CDC14B: variants seen among roughly 807,000 people sequenced by gnomAD.
The protein encoded by CDC14B is cell division cycle 14B.
A neutral mutation model predicts 64.2 loss-of-function variants in CDC14B; 22 were observed. The observed-to-expected ratio is 0.34, with a 90% CI of 0.24 to 0.49. CDC14B has a LOEUF of 0.49. CDC14B is among the 20% of genes least tolerant of loss of function. The pLI, the probability that CDC14B is intolerant of heterozygous loss-of-function variation, is 0.99. For missense variants in CDC14B, 498 were observed against 629.9 expected, an observed-to-expected ratio of 0.79 and a Z score of 2.24; for synonymous variants, 191 against 215.8, an observed-to-expected ratio of 0.89 and a Z score of 1.01.
rs1459702198 is a variant in CDC14B, at chr9:96,607,275, AAAG to A, written c.160+11941_160+11943del. Among the ~76,000 whole-genome samples, 4 of 151,940 alleles carry A rather than the reference AAAG, an allele frequency of 2.6e-5. 1 individual carries two copies. Among genetic ancestry groups the A allele is most frequent in the Non-Finnish European group, 5.9e-5 (4 of 68,000 alleles). On this transcript the variant is annotated intron_variant, in intron 1 of 13. Transcript: ENST00000375241. ...TAAAAATCTGATCAATGCTACCTGAAAAGGCCCCCATGGATAAGGGATGCTTTG... is the reference window on the plus strand; with the variant it reads ...TAAAAATCTGATCAATGCTACCTGAAGCCCCCATGGATAAGGGATGCTTTG...
chr9:96,600,999 T>A (rs1846402565), intron 1 of CDC14B, among the ~76,000 whole-genome samples: 1 of 152,170 alleles, frequency 6.6e-6, no homozygotes, highest in Admixed American at 6.6e-5. Context: ...TAAAAAAAGA[T>A]ATCCATGTTT....
intron 5 of CDC14B, among the ~76,000 whole-genome samples, chr9:96,550,340 G>A (rs902768193): frequency 1.3e-5 from 2 of 152,154 alleles, no homozygotes; most frequent in Admixed American, 6.5e-5. Context: ...TTCATGCAGC[G>A]TATTACTGAA....
chr9:96,588,963 T>G (rs16911376), intron 1 of CDC14B, among the ~76,000 whole-genome samples: 20 of 152,186 alleles, frequency 1.3e-4, no homozygotes, highest in Admixed American at 2.0e-4. Context: ...ATAGTTATCA[T>G]AGACAAAATA....
intron 6 of CDC14B, 26 bp from the exon 7 acceptor site, chr9:96,539,166 G>C (rs370777466): frequency 6.7e-7 from 1 of 1,495,744 alleles, no homozygotes; most frequent in South Asian, 1.1e-5. Context: ...AAGCTTTTAA[G>C]AACAAGGATG....
intron 1 of CDC14B, among the ~76,000 whole-genome samples, chr9:96,596,581 G>A (rs1275933730): frequency 6.6e-6 from 1 of 151,982 alleles, no homozygotes; most frequent in Non-Finnish European, 1.5e-5. Flanking sequence ...AAAATGAAGG[G>A]CAGGCATAGT....
Position 96,571,465 on chromosome 9 carries a change from C to G in CDC14B, c.161-5982G>C, listed in dbSNP as rs112521977. On this transcript the variant is annotated intron_variant, in intron 1 of 13. Transcript: ENST00000375241. ...TTGGGATTACAGGGGTGAGCCACCTCGCCTGGGCTATAATGAATAATTTTA... is the reference window on the plus strand; with the variant it reads ...TTGGGATTACAGGGGTGAGCCACCTGGCCTGGGCTATAATGAATAATTTTA... Among the ~76,000 whole-genome samples, 1,054 of 152,180 alleles carry G rather than the reference C, an allele frequency of 6.9e-3. 16 individuals carry two copies. The highest frequency in any genetic ancestry group is 0.024 in the African/African-American group (981 of 41,530).
intron 5 of CDC14B, among the ~76,000 whole-genome samples, chr9:96,549,267 A>G (rs1486216543): frequency 6.6e-6 from 1 of 152,206 alleles, no homozygotes; most frequent in African/African-American, 2.4e-5. Context: ...TTCTTCTACT[A>G]TTTGATTCTA....
chr9:96,574,004 G>A (rs1274126853), intron 1 of CDC14B, among the ~76,000 whole-genome samples: 4 of 152,058 alleles, frequency 2.6e-5, no homozygotes, highest in Admixed American at 6.6e-5. Flanking sequence ...AAACTTAGCC[G>A]GGCATGGTGG....
intron 12 of CDC14B, among the ~76,000 whole-genome samples, chr9:96,519,926 G>T (rs958634738): frequency 2.6e-5 from 4 of 152,124 alleles, no homozygotes; most frequent in African/African-American, 9.7e-5. Context: ...AGTCAAACTT[G>T]GATGAAGAAA....
intron 1 of CDC14B, among the ~76,000 whole-genome samples, chr9:96,593,400 T>C (rs1240761725): frequency 6.6e-6 from 1 of 151,648 alleles, no homozygotes; most frequent in East Asian, 1.9e-4. Context: ...GGCAGGAGAA[T>C]TTCTTGAACC....
intron 13 of CDC14B, among the ~76,000 whole-genome samples, chr9:96,505,227 T>C (rs1358710221): frequency 5.3e-5 from 8 of 151,410 alleles, no homozygotes. Context: ...CCTGAGCATT[T>C]CTCTCCCCAG....
intron 12 of CDC14B, among the ~76,000 whole-genome samples, chr9:96,512,008 C>CA (rs1416188169): frequency 6.6e-6 from 1 of 151,890 alleles, no homozygotes; most frequent in African/African-American, 2.4e-5. Context: ...AACAAGACAC[C>CA]ATTAAGAAGC....
chr9:96,528,551 A>G (rs889416232), intron 9 of CDC14B, among the ~76,000 whole-genome samples: 2 of 151,042 alleles, frequency 1.3e-5, no homozygotes, highest in Admixed American at 1.3e-4. Context: ...AAGAAGAAGA[A>G]GAATGCTGCT....
intron 9 of CDC14B, among the ~76,000 whole-genome samples, chr9:96,533,502 A>G (rs1838810850): frequency 6.6e-6 from 1 of 152,190 alleles, no homozygotes. Context: ...CTAACAAGAG[A>G]GTTAAATAAA....
At chr9:96,539,295 C>T (rs1053133291) in intron 6 of CDC14B, among the ~76,000 whole-genome samples, 155 bp from the exon 7 acceptor site, 3 of 152,146 alleles carry the variant, frequency 2.0e-5, no homozygotes, top group East Asian at 1.9e-4. Context: ...AAGTGGGCGG[C>T]GTCTTCTAAG....
downstream of CDC14B, among the ~76,000 whole-genome samples, chr9:96,499,831 C>G (rs962984490): frequency 6.6e-6 from 1 of 152,196 alleles, no homozygotes; most frequent in Non-Finnish European, 1.5e-5. Context: ...GGCACCAGGG[C>G]CACGCAGGCA....
intron 3 of CDC14B, among the ~76,000 whole-genome samples, chr9:96,563,755 A>C (rs1199410337): frequency 6.6e-6 from 1 of 152,096 alleles, no homozygotes; most frequent in African/African-American, 2.4e-5. Context: ...ACAGGAAAAA[A>C]ATTTTTTTCC....
chr9:96,595,410 C>T (rs760972141), intron 1 of CDC14B, among the ~76,000 whole-genome samples: 8 of 152,326 alleles, frequency 5.3e-5, no homozygotes, highest in Non-Finnish European at 1.0e-4. Context: ...TCAGAACTGA[C>T]ATACAGTTGG....
intron 13 of CDC14B, among the ~76,000 whole-genome samples, chr9:96,508,571 A>T (rs1298244500): frequency 6.6e-6 from 1 of 152,234 alleles, no homozygotes; most frequent in East Asian, 1.9e-4. Flanking sequence ...TCTAATGAAA[A>T]ATTTTAAATC....
Sources: allele counts gnomAD v4.1 joint callset (sites outside exome capture counted in the v4.1 genomes callset), GRCh38; gene constraint gnomAD v4.1.1; transcripts MANE v1.5; gene names NCBI Gene and HGNC (gene_info 2026-07-23, HGNC 2026-07-21).